Variants in KMT2E observed in about 807,000 individuals in gnomAD.
The protein encoded by KMT2E is lysine methyltransferase 2E (inactive), also known as histone reader KMT2E.
KMT2E carries 30 observed loss-of-function variants against 184.6 expected under a neutral mutation model. The ratio of observed to expected loss-of-function variants is 0.16; its 90% confidence interval spans 0.12 to 0.22. The LOEUF is 0.22. Among genes scored for constraint, KMT2E ranks in the 10% least tolerant of loss-of-function variants. The pLI, the probability that KMT2E is intolerant of heterozygous loss-of-function variation, is 1.00. For synonymous variants in KMT2E, 815 were observed against 776.5 expected, an observed-to-expected ratio of 1.05 and a Z score of -0.82; for missense variants, 2,023 against 2,237.4, an observed-to-expected ratio of 0.90 and a Z score of 1.93.
At chr7:105,110,240 G>T (rs1162557945) in intron 23 of KMT2E, 40 bp from the exon 24 acceptor site, 2 of 1,516,110 alleles carry the variant, frequency 1.3e-6, no homozygotes, top group East Asian at 4.5e-5. Context: ...ACTAGCAGTA[G>T]TTTCTTTCAA....
intron 6 of KMT2E, 138 bp from the exon 7 acceptor site, chr7:105,073,481 G>A (rs749674419): frequency 1.2e-5 from 7 of 565,462 alleles, no homozygotes; most frequent in East Asian, 5.9e-5. Context: ...TATGTAAACT[G>A]TATTGCAAGG....
chr7:105,026,351 A>G (rs1321996942), intron 1 of KMT2E, among the ~76,000 whole-genome samples: 1 of 151,894 alleles, frequency 6.6e-6, no homozygotes, highest in Non-Finnish European at 1.5e-5. Flanking sequence ...GGAACATATC[A>G]AGATCCAAAG....
At chr7:105,036,785 T>C (rs1160168258) in intron 1 of KMT2E, among the ~76,000 whole-genome samples, 6 of 152,248 alleles carry the variant, frequency 3.9e-5, no homozygotes, top group African/African-American at 1.4e-4. Flanking sequence ...ATTCATTTTG[T>C]TATCACATTT....
rs1247476889 is a variant in KMT2E, at chr7:105,113,114, T to C, written c.5358T>C (p.Cys1786=). ...AGCCTTCTGGAACAGGGCCACATTG[T>C]CCATTACCTGTCACAGGTCCTCATC... ...QHQPSGTGPH[C]PLPVTGPHLQ... Residue 1786 remains cysteine (C), a synonymous_variant, in exon 27 of 27, where the codon TGT becomes TGC. Transcript: ENST00000311117. 2 of 1,614,062 alleles carry C rather than the reference T, an allele frequency of 1.2e-6. No individual in the cohort carries two copies. The highest frequency in any genetic ancestry group is 1.7e-6 in the Non-Finnish European group (2 of 1,180,036).
chr7:105,080,386 G>GT (rs955628523), intron 12 of KMT2E, among the ~76,000 whole-genome samples: 2,002 of 143,552 alleles, frequency 0.014, 29 homozygotes, highest in African/African-American at 0.041. Flanking sequence ...GAATGTAGGT[G>GT]TTTTTTTTTT....
chr7:105,077,566 G>A (rs1049476599), intron 11 of KMT2E, 133 bp downstream of exon 11: 2 of 654,984 alleles, frequency 3.1e-6, no homozygotes, highest in Non-Finnish European at 2.6e-6. Context: ...CTGTAGTGTG[G>A]TTGAACAGTG....
At chr7:105,101,287 C>T in intron 15 of KMT2E, 138 bp from the exon 16 acceptor site, 1 of 531,004 alleles carries the variant, frequency 1.9e-6, no homozygotes, top group Non-Finnish European at 3.1e-6. Flanking sequence ...GTTTTTTCTC[C>T]CCATATCCAC....
intron 15 of KMT2E, among the ~76,000 whole-genome samples, chr7:105,094,341 T>A (rs1370425401): frequency 1.3e-5 from 2 of 152,184 alleles, no homozygotes; most frequent in East Asian, 1.9e-4. Context: ...GAAACTTACG[T>A]CAAACTGATT....
chr7:105,075,510 C>G (rs1797490055), intron 8 of KMT2E, among the ~76,000 whole-genome samples: 1 of 152,034 alleles, frequency 6.6e-6, no homozygotes, highest in South Asian at 2.1e-4. Context: ...TTATTTTACT[C>G]CCTCCCAAAA....
intron 1 of KMT2E, among the ~76,000 whole-genome samples, chr7:105,020,603 T>G (rs115083201): frequency 0.034 from 5,177 of 152,252 alleles, 316 homozygotes; most frequent in African/African-American, 0.12. Context: ...AAATAAAGTT[T>G]ATGTAATTAT....
Position 105,085,421 on chromosome 7 carries a change from G to A in KMT2E, c.1358+3624G>A, listed in dbSNP as rs183855444. On this transcript the variant is annotated intron_variant, in intron 13 of 26. Transcript: ENST00000311117. ...AAATTAGCCGGGCATGGTGGCACAT[G>A]CCTGTAATCCCAGCTACTTGGGAGG... Among the ~76,000 whole-genome samples, 309 of 152,214 alleles carry A rather than the reference G, an allele frequency of 2.0e-3. 2 individuals carry two copies. The highest frequency in any genetic ancestry group is 7.2e-3 in the African/African-American group (299 of 41,548).
intron 3 of KMT2E, among the ~76,000 whole-genome samples, chr7:105,047,575 A>T (rs899769820): frequency 6.6e-6 from 1 of 152,276 alleles, no homozygotes; most frequent in African/African-American, 2.4e-5. Flanking sequence ...CTGCTGTGCC[A>T]GGTAAATGTT....
intron 6 of KMT2E, among the ~76,000 whole-genome samples, chr7:105,072,798 C>T (rs567083545): frequency 1.3e-5 from 2 of 152,032 alleles, no homozygotes; most frequent in Non-Finnish European, 2.9e-5. Context: ...GCCCGGAACC[C>T]CAGCTACTTG....
chr7:105,076,917 TGTA>T, intron 9 of KMT2E, 43 bp from the exon 10 acceptor site: 5 of 882,678 alleles, frequency 5.7e-6, no homozygotes, highest in Non-Finnish European at 5.6e-6. Flanking sequence ...TGTGTGTGTG[TGTA>T]AGTCCGTAAG....
chr7:105,076,116 T>A, intron 9 of KMT2E, 35 bp downstream of exon 9: 1 of 1,434,946 alleles, frequency 7.0e-7, no homozygotes, highest in Non-Finnish European at 9.8e-7. Context: ...TGTTATCAAC[T>A]GTCATTTATT....
rs1177913482 is a variant in KMT2E, at chr7:105,105,766, A to G, written c.2451+73A>G. On this transcript the variant is annotated intron_variant, in intron 18 of 26. Coordinates refer to ENST00000311117, the MANE Select transcript of KMT2E (RefSeq NM_182931.3). Reference sequence around the variant, plus strand: ...CTCATTCCTTACTACCATCCATGGTAGTGAAATGCTTTTGGAATCGGCTCT... The same window carrying G: ...CTCATTCCTTACTACCATCCATGGTGGTGAAATGCTTTTGGAATCGGCTCT... 7.1e-6 allele frequency: 11 copies of G among 1,559,614 alleles called. No homozygotes were observed. The Admixed American group carries it at 2.0e-4, about 28-fold the overall frequency.
chr7:105,091,333 A>C lies in KMT2E; in HGVS notation c.1722+19A>C, dbSNP rs777028351. 1 of 1,417,692 alleles carries C rather than the reference A, an allele frequency of 7.1e-7. No individual in the cohort carries two copies. Among genetic ancestry groups the C allele is most frequent in the South Asian group, 1.2e-5 (1 of 86,870 alleles). 87.8% of individuals were successfully genotyped at this position (1,417,692 alleles called of 1,614,324 possible). Reference sequence around the variant, plus strand: ...GAAGATGGTAAGTTGGGAAGCCAGTAGTTTGGGCTTAGTGACAGCTGCTCT... The same window carrying C: ...GAAGATGGTAAGTTGGGAAGCCAGTCGTTTGGGCTTAGTGACAGCTGCTCT... On this transcript the variant is annotated intron_variant, in intron 15 of 26. Coordinates refer to ENST00000311117, the MANE Select transcript of KMT2E (RefSeq NM_182931.3).
chr7:105,108,118 T>C (rs530115612), intron 22 of KMT2E, among the ~76,000 whole-genome samples, 193 bp downstream of exon 22: 76 of 152,300 alleles, frequency 5.0e-4, no homozygotes, highest in African/African-American at 1.5e-3. Context: ...AAAAAAATTC[T>C]AGTAATATGG....
rs79843209 is a variant in KMT2E, at chr7:105,035,253, C to T, written c.-188-2873C>T. 5.9e-5 allele frequency among the ~76,000 whole-genome samples: 9 copies of T among 151,370 alleles called. No individual in the cohort carries two copies. The East Asian group carries it at 1.6e-3, about 26-fold the overall frequency. On this transcript the variant is annotated intron_variant, in intron 1 of 26. Transcript: ENST00000311117. ...TTCACCGTGTTAGCCAGGATGGTCT[C>T]GATCTCCTGACCGTGTGATCTGCCT...
Sources: gnomAD v4.1 joint callset for allele counts (sites outside exome capture counted in the v4.1 genomes callset) on GRCh38, gnomAD v4.1.1 for gene constraint, MANE v1.5 for transcripts, NCBI Gene and HGNC (gene_info 2026-07-23, HGNC 2026-07-21) for gene names.